The following HECTD2 variants were observed in gnomAD, a reference collection of about 807,000 sequenced individuals.
HECTD2 encodes probable E3 ubiquitin-protein ligase HECTD2.
HECTD2 carries 35 observed loss-of-function variants against 103.2 expected under a neutral mutation model. The ratio of observed to expected loss-of-function variants is 0.34; its 90% CI spans 0.26 to 0.45. HECTD2 has a LOEUF of 0.45. Among genes scored for constraint, HECTD2 ranks in the 20% least tolerant of loss-of-function variants. The pLI is 1.00. For missense variants in HECTD2, 596 were observed against 937.4 expected (o/e 0.64, Z 4.76); for synonymous variants, 281 against 329.9 (o/e 0.85, Z 1.61).
chr10:91,433,643 A>C (rs112173014), intron 2 of HECTD2, among the ~76,000 whole-genome samples: 45 of 152,132 alleles, frequency 3.0e-4, no homozygotes, highest in African/African-American at 1.0e-3. Flanking sequence ...CAATGCCACA[A>C]TGAATGACTC....
At chr10:91,449,835 T>G (rs1844720004) in intron 2 of HECTD2, among the ~76,000 whole-genome samples, 1 of 152,154 alleles carries the variant, frequency 6.6e-6, no homozygotes, top group Admixed American at 6.5e-5. Flanking sequence ...GTGAAGGACC[T>G]CTTCAAGGAG....
chr10:91,427,804 A>C (rs896670364), intron 2 of HECTD2, among the ~76,000 whole-genome samples: 2 of 152,022 alleles, frequency 1.3e-5, no homozygotes, highest in African/African-American at 2.4e-5. Context: ...AGGTTGCGAA[A>C]AATTTTTCCC....
intron 2 of HECTD2, among the ~76,000 whole-genome samples, chr10:91,433,921 C>T (rs1235221395): frequency 6.6e-6 from 1 of 151,932 alleles, no homozygotes; most frequent in African/African-American, 2.4e-5. Flanking sequence ...GTAATAAATT[C>T]TGTAAGGTAT....
At chr10:91,484,310 G>A (rs1294338372) in intron 8 of HECTD2, 197 bp from the exon 9 acceptor site, 3 of 1,219,856 alleles carry the variant, frequency 2.5e-6, no homozygotes, top group Non-Finnish European at 3.4e-6. Flanking sequence ...AGTAATTTTG[G>A]TGTTTATTTC....
At chr10:91,438,520 C>T (rs1019238079) in intron 2 of HECTD2, among the ~76,000 whole-genome samples, 30 of 146,520 alleles carry the variant, frequency 2.0e-4, no homozygotes, top group African/African-American at 5.8e-4. Context: ...TTTGCTATTG[C>T]GAACAGTGCT....
chr10:91,477,555 A>G (rs930991371), intron 5 of HECTD2, among the ~76,000 whole-genome samples: 3 of 152,196 alleles, frequency 2.0e-5, no homozygotes, highest in Non-Finnish European at 2.9e-5. Flanking sequence ...TATTAAATAT[A>G]TATACGTATA....
At chr10:91,453,161 G>T (rs1289461923) in intron 2 of HECTD2, among the ~76,000 whole-genome samples, 1 of 152,164 alleles carries the variant, frequency 6.6e-6, no homozygotes, top group African/African-American at 2.4e-5. Flanking sequence ...GCCGAGTGCA[G>T]TGACTCACAC....
intron 20 of HECTD2, among the ~76,000 whole-genome samples, chr10:91,505,396 C>T (rs953285789): frequency 5.9e-5 from 9 of 152,112 alleles, no homozygotes; most frequent in African/African-American, 1.9e-4. Flanking sequence ...TGCAGGGACA[C>T]ACATAGGCTC....
intron 12 of HECTD2, 147 bp from the exon 13 acceptor site, chr10:91,492,205 G>A: frequency 1.3e-6 from 1 of 746,606 alleles, no homozygotes; most frequent in South Asian, 1.6e-5. Flanking sequence ...CACAGTGTCT[G>A]GCAGATTTAT....
intron 1 of HECTD2, among the ~76,000 whole-genome samples, chr10:91,419,853 T>C (rs1843279972): frequency 1.3e-5 from 2 of 152,176 alleles, no homozygotes; most frequent in South Asian, 2.1e-4. Context: ...GGCCATCATC[T>C]TTAGTGTTCT....
chr10:91,444,093 C>G (rs1844487465), intron 2 of HECTD2, among the ~76,000 whole-genome samples: 1 of 152,060 alleles, frequency 6.6e-6, no homozygotes, highest in South Asian at 2.1e-4. Flanking sequence ...TTTTTTGTGG[C>G]TCCTATAGAG....
chr10:91,499,360 C>T (rs767046615), intron 18 of HECTD2, among the ~76,000 whole-genome samples: 2 of 151,954 alleles, frequency 1.3e-5, no homozygotes, highest in East Asian at 1.9e-4. Context: ...ATTTTCTCTC[C>T]CCTTCTACTA....
Position 91,410,375 on chromosome 10 carries a change from A to C in HECTD2, c.-64A>C. 9.1e-7 allele frequency: 1 copy of C among 1,095,046 alleles called. No individual in the cohort carries two copies. Among genetic ancestry groups the C allele is most frequent in the Non-Finnish European group, 1.2e-6 (1 of 862,888 alleles). 67.8% of individuals were successfully genotyped at this position (1,095,046 alleles called of 1,614,324 possible). ...CTCTCGCGGCCGCGGCGGCAGCAGC[A>C]GCGCCAGCCCCAGCAACACTGAGGC... On this transcript the variant is annotated 5_prime_UTR_variant, in exon 1 of 21. Coordinates refer to ENST00000298068, the MANE Select transcript of HECTD2 (RefSeq NM_182765.6).
intron 5 of HECTD2, chr10:91,462,440 C>CA (rs1198779928): frequency 2.4e-6 from 3 of 1,239,102 alleles, no homozygotes; most frequent in East Asian, 3.2e-5. Flanking sequence ...ACTTACTCAG[C>CA]AAAAGGAGGT....
intron 2 of HECTD2, among the ~76,000 whole-genome samples, chr10:91,426,005 T>C (rs1278112382): frequency 6.6e-6 from 1 of 152,064 alleles, no homozygotes; most frequent in African/African-American, 2.4e-5. Flanking sequence ...ACTATGCTTC[T>C]ATTAAGAAGA....
Position 91,487,678 on chromosome 10 carries a change from G to T in HECTD2, c.1095-4G>T. On this transcript the variant is annotated splice_polypyrimidine_tract_variant and splice_region_variant and intron_variant, in intron 10 of 20. Transcript: ENST00000298068. The surrounding 1 kb of genome is among the most constrained non-coding windows in gnomAD (Gnocchi z 4.1). ...GCTTTTTCTTTTTTTCACTTGTTGA[G>T]CAGGTTTTCCTTCTGTCAGTACCCA... 6.3e-7 allele frequency: 1 copy of T among 1,598,324 alleles called. No homozygotes were observed. Among genetic ancestry groups the T allele is most frequent in the Non-Finnish European group, 8.6e-7 (1 of 1,166,184 alleles).
rs543029646 is a variant in HECTD2 at position 91,420,756 on chromosome 10, A to G, written c.139-4525A>G. On this transcript the variant is annotated intron_variant, in intron 1 of 20. Coordinates refer to ENST00000298068, the MANE Select transcript of HECTD2 (RefSeq NM_182765.6). ...CTCTTTTAGCTAGTCAGTCTTTTCT[A>G]TATTCCCCTGTCTAAAATCTGGAAA... 9.2e-5 allele frequency among the ~76,000 whole-genome samples: 14 copies of G among 152,252 alleles called. No individual in the cohort carries two copies. The South Asian group carries it at 2.9e-3, about 32-fold the overall frequency.
chr10:91,415,438 A>AC (rs1169500770), intron 1 of HECTD2, among the ~76,000 whole-genome samples: 3 of 152,150 alleles, frequency 2.0e-5, no homozygotes, highest in Non-Finnish European at 4.4e-5. Context: ...TTGAGTGCCT[A>AC]CTCTGTGCTA....
Position 91,487,897 on chromosome 10 carries a change from T to C in HECTD2, c.1191+119T>C. ...ATAATCAGGAATGTTAAAAGCAAAA[T>C]TCGTGTTATACTCACCCAAAAAGTG... On this transcript the variant is annotated intron_variant, in intron 11 of 20. Transcript: ENST00000298068. The surrounding 1 kb of genome is among the most constrained non-coding windows in gnomAD (Gnocchi z 4.1). 1.6e-6 allele frequency: 1 copy of C among 641,250 alleles called. No homozygotes were observed. The highest frequency in any genetic ancestry group is 2.7e-5 in the South Asian group (1 of 36,542). The allele number at this position is 641,250 out of a possible 1,614,324, so 39.7% of individuals were successfully genotyped here.
Sources: allele counts gnomAD v4.1 joint callset (sites outside exome capture counted in the v4.1 genomes callset), GRCh38; gene constraint gnomAD v4.1.1; non-coding constraint Gnocchi (gnomAD v3.1); transcripts MANE v1.5; gene names NCBI Gene and HGNC (gene_info 2026-07-23, HGNC 2026-07-21).